CDH13: variants seen among roughly 807,000 people sequenced by gnomAD.
CDH13 encodes the protein cadherin 13, also known as cadherin-13.
In CDH13, 24 loss-of-function variants were observed where a neutral mutation model predicts 63.8. The observed-to-expected ratio is 0.38, with a 90% CI of 0.27 to 0.53. CDH13 has a LOEUF of 0.53. Among genes scored for constraint, CDH13 ranks in the 20% least tolerant of loss-of-function variants. The pLI, the probability that CDH13 is intolerant of heterozygous loss-of-function variation, is 0.85. For synonymous variants in CDH13, 503 were observed against 355.3 expected, an observed-to-expected ratio of 1.42 and a Z score of -4.67; for missense variants, 1,049 against 903.1, an observed-to-expected ratio of 1.16 and a Z score of -2.07.
intron 1 of CDH13, among the ~76,000 whole-genome samples, chr16:82,701,577 G>A (rs896750389): frequency 6.6e-6 from 1 of 152,110 alleles, no homozygotes; most frequent in East Asian, 1.9e-4. Flanking sequence ...TCAGGAATAT[G>A]TCCTATTTGC....
At chr16:82,778,327 CCT>C (rs2035591867) in intron 1 of CDH13, among the ~76,000 whole-genome samples, 1 of 151,934 alleles carries the variant, frequency 6.6e-6, no homozygotes, top group Non-Finnish European at 1.5e-5. Context: ...AGAAATATTC[CCT>C]CTCTTTCAAA....
intron 10 of CDH13, among the ~76,000 whole-genome samples, chr16:83,687,212 A>G (rs1904390716): frequency 6.6e-6 from 1 of 152,034 alleles, no homozygotes; most frequent in Non-Finnish European, 1.5e-5. Flanking sequence ...GACTTCGTCT[A>G]GAAAAAAAAA....
intron 5 of CDH13, among the ~76,000 whole-genome samples, chr16:83,331,935 C>T (rs1032338623): frequency 6.6e-5 from 10 of 152,136 alleles, no homozygotes; most frequent in South Asian, 6.2e-4. Context: ...CACATACACA[C>T]ACAACCACAC....
chr16:83,783,533 G>A, intron 13 of CDH13, 61 bp downstream of exon 13: 1 of 1,304,598 alleles, frequency 7.7e-7, no homozygotes, highest in Non-Finnish European at 1.1e-6. Flanking sequence ...CTGGGTTCGT[G>A]AAGCCAGCAT....
At chr16:83,355,595 T>C (rs1222140600) in intron 6 of CDH13, among the ~76,000 whole-genome samples, 1 of 152,240 alleles carries the variant, frequency 6.6e-6, no homozygotes, top group African/African-American at 2.4e-5. Context: ...TGGTTGTATT[T>C]ATTGAAAATG....
intron 1 of CDH13, among the ~76,000 whole-genome samples, chr16:82,821,246 T>C (rs2037988760): frequency 1.3e-5 from 2 of 152,172 alleles, no homozygotes. Context: ...TGACATGAAA[T>C]TCTGAGGGGG....
chr16:82,768,524 A>T (rs779657382), intron 1 of CDH13, among the ~76,000 whole-genome samples: 19 of 152,192 alleles, frequency 1.2e-4, no homozygotes, highest in Non-Finnish European at 1.5e-4. Context: ...CCAGCTATTA[A>T]TCCTCATGGT....
chr16:83,079,489 T>C (rs2033088086), intron 3 of CDH13, among the ~76,000 whole-genome samples: 1 of 152,194 alleles, frequency 6.6e-6, no homozygotes, highest in Non-Finnish European at 1.5e-5. Context: ...AAATATGTGC[T>C]TTAATGAGAC....
chr16:83,313,255 C>G (rs1396165693), intron 5 of CDH13, among the ~76,000 whole-genome samples: 1 of 152,142 alleles, frequency 6.6e-6, no homozygotes. Context: ...ATTTCACAGC[C>G]ATTGATATTT....
At chr16:83,608,433 C>A (rs1047975186) in intron 8 of CDH13, among the ~76,000 whole-genome samples, 4 of 152,152 alleles carry the variant, frequency 2.6e-5, no homozygotes, top group African/African-American at 7.2e-5. Flanking sequence ...GTGTGGAGTC[C>A]TGAAGAATAC....
At chr16:83,604,235 A>G (rs1908117627) in intron 8 of CDH13, among the ~76,000 whole-genome samples, 1 of 152,092 alleles carries the variant, frequency 6.6e-6, no homozygotes, top group Non-Finnish European at 1.5e-5. Context: ...ACCTCAAAAC[A>G]GCAAAGTCCA....
At chr16:82,678,050 G>T (rs527595570) in intron 1 of CDH13, among the ~76,000 whole-genome samples, 17 of 152,098 alleles carry the variant, frequency 1.1e-4, no homozygotes, top group Non-Finnish European at 2.2e-4. Context: ...CAGAAGGCTT[G>T]CATAAAAAAT....
chr16:83,621,406 C>A (rs772809565), intron 8 of CDH13, among the ~76,000 whole-genome samples: 1 of 145,104 alleles, frequency 6.9e-6, no homozygotes, highest in Non-Finnish European at 1.5e-5. Flanking sequence ...CTATTACCAC[C>A]GTTTTCCACT....
intron 5 of CDH13, among the ~76,000 whole-genome samples, chr16:83,253,228 G>A (rs576125294): frequency 2.0e-4 from 31 of 152,242 alleles, no homozygotes; most frequent in African/African-American, 6.3e-4. Flanking sequence ...TTATGATTCC[G>A]TAAAAGGCTT....
At chr16:83,222,638 G>A (rs1048444023) in intron 5 of CDH13, among the ~76,000 whole-genome samples, 10 of 152,070 alleles carry the variant, frequency 6.6e-5, no homozygotes, top group Non-Finnish European at 7.4e-5. Flanking sequence ...GACATGCTAT[G>A]TAAGTCTTCT....
chr16:83,350,809 G>C (rs140809259), intron 6 of CDH13, among the ~76,000 whole-genome samples: 3 of 152,332 alleles, frequency 2.0e-5, no homozygotes, highest in Middle Eastern at 3.4e-3. Flanking sequence ...GCTCTGAAGA[G>C]ATGATGTAGG....
At chr16:82,741,469 G>A (rs970547174) in intron 1 of CDH13, among the ~76,000 whole-genome samples, 1 of 152,164 alleles carries the variant, frequency 6.6e-6, no homozygotes, top group Non-Finnish European at 1.5e-5. Context: ...TGGCTATAAA[G>A]CACTTATAAT....
chr16:83,685,613 T>G (rs1184406106), intron 10 of CDH13, among the ~76,000 whole-genome samples: 2 of 152,066 alleles, frequency 1.3e-5, no homozygotes, highest in Non-Finnish European at 2.9e-5. Flanking sequence ...AGCAAGAACT[T>G]TTGCTGCAAA....
chr16:83,677,455 G>T (rs1009940574), intron 9 of CDH13, among the ~76,000 whole-genome samples: 2 of 152,146 alleles, frequency 1.3e-5, no homozygotes, highest in Admixed American at 1.3e-4. Flanking sequence ...CCCGGCAAAT[G>T]GTTGTAGAGC....
Sources: gnomAD v4.1 joint callset for allele counts (sites outside exome capture counted in the v4.1 genomes callset) on GRCh38, gnomAD v4.1.1 for gene constraint, MANE v1.5 for transcripts, NCBI Gene and HGNC (gene_info 2026-07-23, HGNC 2026-07-21) for gene names.